Variants in ATP7B observed in about 807,000 individuals in gnomAD.
The protein encoded by ATP7B is copper-transporting ATPase 2.
In ATP7B, 113 loss-of-function variants were observed where a neutral mutation model predicts 118.9. That is an observed-to-expected ratio of 0.95 (90% CI 0.82 to 1.11). The LOEUF is 1.11. Ranked by LOEUF, ATP7B falls within the 50% of genes most tolerant of loss-of-function variation. The probability of loss-of-function intolerance (pLI) is 0.00; values close to 1 mark genes in which losing one functional copy is unlikely to be tolerated. For missense variants in ATP7B, 1,867 were observed against 1,871.4 expected (o/e 1.00, Z 0.04); for synonymous variants, 777 against 727.4 (o/e 1.07, Z -1.10).
intron 14 of ATP7B, among the ~76,000 whole-genome samples, chr13:51,943,509 C>T (rs1340559572): frequency 6.6e-6 from 1 of 152,194 alleles, no homozygotes; most frequent in African/African-American, 2.4e-5. Flanking sequence ...ATTGCTCAGG[C>T]TGTTTAAAAG....
At chr13:51,938,901 A>G in intron 17 of ATP7B, 150 bp downstream of exon 17, 1 of 1,283,112 alleles carries the variant, frequency 7.8e-7, no homozygotes, top group Non-Finnish European at 1.1e-6. Context: ...GCAACACTAC[A>G]TGGCCACAGA....
chr13:51,935,256 T>C (rs1593635965), intron 20 of ATP7B, among the ~76,000 whole-genome samples: 1 of 152,218 alleles, frequency 6.6e-6, no homozygotes. Context: ...CCACTAACTT[T>C]TGTTAAATGA....
At chr13:51,987,463 A>G (rs1458739039) in intron 1 of ATP7B, among the ~76,000 whole-genome samples, 2 of 152,224 alleles carry the variant, frequency 1.3e-5, no homozygotes, top group South Asian at 4.1e-4. Context: ...GGAACAATCA[A>G]TATCGTGAAA....
chr13:52,004,261 CA>C (rs1474832890), intron 1 of ATP7B, among the ~76,000 whole-genome samples: 1 of 149,790 alleles, frequency 6.7e-6, no homozygotes, highest in Non-Finnish European at 1.5e-5. Context: ...GACTCTGTCT[CA>C]AAAAAAAAGA....
At chr13:51,937,797 T>C in intron 17 of ATP7B, 118 bp from the exon 18 acceptor site, 1 of 1,161,348 alleles carries the variant, frequency 8.6e-7, no homozygotes, top group Non-Finnish European at 1.3e-6. Context: ...GTGATGTTGG[T>C]CAACCACACC....
chr13:51,935,541 T>C lies in ATP7B; in HGVS notation c.4124+52A>G, dbSNP rs1222106379. 1.9e-6 allele frequency: 3 copies of C among 1,546,472 alleles called. No homozygotes were observed. The African/African-American group carries it at 4.1e-5, about 21-fold the overall frequency. On this transcript the variant is annotated intron_variant, in intron 20 of 20. Coordinates refer to ENST00000242839, the MANE Select transcript of ATP7B (RefSeq NM_000053.4). ...GTTCCACTGTGCTAAGCATGCAGAATGACAAGGCCTCCTGGGAGCCTCCCA... is the reference window on the plus strand; with the variant it reads ...GTTCCACTGTGCTAAGCATGCAGAACGACAAGGCCTCCTGGGAGCCTCCCA...
At chr13:51,965,145 C>T (rs1951483620) in intron 4 of ATP7B, 112 bp from the exon 5 acceptor site, 1 of 1,360,498 alleles carries the variant, frequency 7.4e-7, no homozygotes, top group South Asian at 1.2e-5. Context: ...CTCCTCAGCA[C>T]TGCTCTCAAG....
intron 15 of ATP7B, among the ~76,000 whole-genome samples, chr13:51,942,053 C>A (rs916051445): frequency 6.6e-6 from 1 of 152,154 alleles, no homozygotes; most frequent in Non-Finnish European, 1.5e-5. Flanking sequence ...TTCTACCATA[C>A]AGAATGGAAA....
At chr13:51,945,819 G>C (rs61957452) in intron 13 of ATP7B, among the ~76,000 whole-genome samples, 22,047 of 152,146 alleles carry the variant, frequency 0.14, 1,928 homozygotes, top group African/African-American at 0.24. Context: ...AGGTTAGTAA[G>C]TTGGGCAAAA....
intron 1 of ATP7B, among the ~76,000 whole-genome samples, chr13:51,978,076 G>A (rs1225230772): frequency 1.3e-5 from 2 of 152,150 alleles, no homozygotes; most frequent in Non-Finnish European, 2.9e-5. Flanking sequence ...ATCTTAAAGT[G>A]AGAAAAGCCT....
At chr13:51,966,745 G>A in intron 4 of ATP7B, 1 of 1,585,378 alleles carries the variant, frequency 6.3e-7, no homozygotes, top group Non-Finnish European at 8.6e-7. Context: ...ACCCACCATG[G>A]CCACAGTTCA....
intron 1 of ATP7B, among the ~76,000 whole-genome samples, chr13:52,009,033 C>A (rs1226841462): frequency 6.6e-6 from 1 of 152,104 alleles, no homozygotes; most frequent in African/African-American, 2.4e-5. Flanking sequence ...CACCATTATG[C>A]CCAGCTAATT....
intron 1 of ATP7B, among the ~76,000 whole-genome samples, chr13:51,987,389 A>T (rs1258434143): frequency 6.6e-6 from 1 of 152,180 alleles, no homozygotes; most frequent in African/African-American, 2.4e-5. Flanking sequence ...AGAACTACAA[A>T]CCACTGCTCA....
chr13:52,006,200 G>C (rs1953762852), intron 1 of ATP7B, among the ~76,000 whole-genome samples: 5 of 152,112 alleles, frequency 3.3e-5, no homozygotes, highest in Admixed American at 3.3e-4. Flanking sequence ...TCTTTGTTCG[G>C]GGCTCTCAGC....
chr13:51,960,434 G>A, intron 6 of ATP7B, 112 bp from the exon 7 acceptor site: 1 of 1,308,726 alleles, frequency 7.6e-7, no homozygotes, highest in Non-Finnish European at 1.1e-6. Flanking sequence ...CACATGTCTG[G>A]GACAGACCAC....
intron 1 of ATP7B, among the ~76,000 whole-genome samples, chr13:52,007,809 C>A (rs1022131326): frequency 1.3e-5 from 2 of 152,120 alleles, no homozygotes; most frequent in Non-Finnish European, 2.9e-5. Flanking sequence ...TAGAACAGCT[C>A]GCAGAACTTA....
At chr13:51,992,131 TAAAA>T (rs532259736) in intron 1 of ATP7B, among the ~76,000 whole-genome samples, 2 of 125,486 alleles carry the variant, frequency 1.6e-5, no homozygotes, top group Non-Finnish European at 3.5e-5. Context: ...GTAAGAAATG[TAAAA>T]AAAAAAAAAA....
intron 7 of ATP7B, 120 bp downstream of exon 7, chr13:51,960,028 A>T: frequency 1.5e-6 from 2 of 1,345,224 alleles, no homozygotes; most frequent in Non-Finnish European, 2.1e-6. Context: ...GGGGCAGGAA[A>T]GCTGCAATAA....
At chr13:51,990,872 G>A (rs941582005) in intron 1 of ATP7B, among the ~76,000 whole-genome samples, 7 of 152,194 alleles carry the variant, frequency 4.6e-5, no homozygotes, top group South Asian at 2.1e-4. Context: ...GGTGGATCAC[G>A]GGGTCAAGAG....
Sources: allele counts gnomAD v4.1 joint callset (sites outside exome capture counted in the v4.1 genomes callset), GRCh38; gene constraint gnomAD v4.1.1; transcripts MANE v1.5; gene names NCBI Gene and HGNC (gene_info 2026-07-23, HGNC 2026-07-21).